The following CUX1 variants were observed in gnomAD, a reference collection of about 807,000 sequenced individuals.
CUX1 encodes protein CASP.
In CUX1, 31 loss-of-function variants were observed where a neutral mutation model predicts 158.8. The ratio of observed to expected loss-of-function variants is 0.20; its 90% confidence interval spans 0.15 to 0.26. CUX1 has a LOEUF of 0.26. Among genes scored for constraint, CUX1 ranks in the 10% least tolerant of loss-of-function variants. CUX1 has a pLI of 1.00. For missense variants in CUX1, 1,589 were observed against 2,014.6 expected (o/e 0.79, Z 4.04); for synonymous variants, 879 against 862.1 (o/e 1.02, Z -0.34).
chr7:101,816,697 C>T (rs1791842103), upstream of CUX1, among the ~76,000 whole-genome samples: 1 of 144,814 alleles, frequency 6.9e-6, no homozygotes, highest in South Asian at 2.1e-4. Flanking sequence ...GCCGGCGCGG[C>T]GGAGCTGGGG....
chr7:102,245,791 G>A (rs1800744618), intron 23 of CUX1, among the ~76,000 whole-genome samples: 1 of 152,020 alleles, frequency 6.6e-6, no homozygotes, highest in Non-Finnish European at 1.5e-5. Flanking sequence ...GGCCAACATG[G>A]TGAAACCCCG....
intron 1 of CUX1, among the ~76,000 whole-genome samples, chr7:101,838,415 C>T (rs1794864343): frequency 6.6e-6 from 1 of 150,796 alleles, no homozygotes; most frequent in Non-Finnish European, 1.5e-5. Flanking sequence ...CAGGCGTGAG[C>T]CACCTCACCT....
chr7:102,168,930 TTTATTTTC>T (rs1554509656), intron 9 of CUX1, among the ~76,000 whole-genome samples: 1,606 of 96,474 alleles, frequency 0.017, 87 homozygotes, highest in African/African-American at 0.063. Flanking sequence ...TTTCTTTTCT[TTTATTTTC>T]TTTTTTTTTT....
At chr7:101,887,451 T>A (rs1403335905) in intron 1 of CUX1, among the ~76,000 whole-genome samples, 1 of 151,992 alleles carries the variant, frequency 6.6e-6, no homozygotes, top group African/African-American at 2.4e-5. Context: ...GGACTACAAG[T>A]GTGAGCCACC....
chr7:102,030,583 A>G (rs969521404), intron 3 of CUX1, among the ~76,000 whole-genome samples: 3 of 151,904 alleles, frequency 2.0e-5, no homozygotes, highest in South Asian at 2.1e-4. Flanking sequence ...AATTTTTCCA[A>G]TTATCCCCAA....
intron 13 of CUX1, 70 bp from the exon 14 acceptor site, chr7:102,195,437 C>G: frequency 1.5e-6 from 2 of 1,308,138 alleles, no homozygotes; most frequent in Non-Finnish European, 2.1e-6. Flanking sequence ...GGCAGGGCTC[C>G]AGGCCTGGTG....
At position 102,017,177 on chromosome 7, in the gene CUX1, G is replaced by A. The variant is rs565254817; in HGVS notation, c.142-10921G>A. ...AAATTAGCCTGACGTGGTAGTGGGC[G>A]CCTATACTCCCAGCTACTCAGGAGA... is the stretch of plus-strand genomic sequence containing the variant. On this transcript the variant is annotated intron_variant, in intron 2 of 23. Coordinates refer to ENST00000292535, the MANE Select transcript of CUX1 (RefSeq NM_181552.4). 3.1e-3 allele frequency among the ~76,000 whole-genome samples: 466 copies of A among 151,962 alleles called. 1 individual carries two copies. The highest frequency in any genetic ancestry group is 0.01 in the South Asian group (50 of 4,810).
intron 2 of CUX1, among the ~76,000 whole-genome samples, chr7:101,983,030 GTCAT>G (rs10578910): frequency 0.54 from 80,919 of 150,926 alleles, 23,609 homozygotes; most frequent in Non-Finnish European, 0.67. Context: ...GAAAGCACTA[GTCAT>G]TCATTCATTC....
At chr7:102,185,406 G>T (rs1283924725) in intron 11 of CUX1, among the ~76,000 whole-genome samples, 3 of 151,988 alleles carry the variant, frequency 2.0e-5, no homozygotes, top group African/African-American at 7.3e-5. Context: ...GGGTAGGTTG[G>T]TTGGTTGGTT....
intron 20 of CUX1, among the ~76,000 whole-genome samples, chr7:102,214,475 A>G (rs1554524014): frequency 6.6e-6 from 1 of 152,244 alleles, no homozygotes; most frequent in Non-Finnish European, 1.5e-5. Flanking sequence ...AATCAGTGAC[A>G]GCATGGAAGC....
chr7:101,823,048 A>C lies in CUX1; in HGVS notation c.30+5379A>C, dbSNP rs79775303. 5.6e-3 allele frequency among the ~76,000 whole-genome samples: 853 copies of C among 152,304 alleles called. 30 individuals carry two copies. The highest frequency in any genetic ancestry group is 0.049 in the Admixed American group (747 of 15,292). On this transcript the variant is annotated intron_variant, in intron 1 of 23. Transcript: ENST00000292535. ...GAGGATGATGTTAGTGCACAAAATA[A>C]AGATTGTCAATTTCTTTATTTTAAT...
Position 102,211,966 on chromosome 7 carries a change from A to C in CUX1, c.3130+6796A>C, listed in dbSNP as rs1796586741. ...CCAAGAGCCACAGGAGGAAGGGCACATGCGCTTCTCAAAAGTTCCTTGATG... is the reference window on the plus strand; with the variant it reads ...CCAAGAGCCACAGGAGGAAGGGCACCTGCGCTTCTCAAAAGTTCCTTGATG... On this transcript the variant is annotated intron_variant, in intron 20 of 23. Coordinates refer to ENST00000292535, the MANE Select transcript of CUX1 (RefSeq NM_181552.4). 3.3e-5 allele frequency among the ~76,000 whole-genome samples: 5 copies of C among 152,072 alleles called. No homozygotes were observed. The South Asian group carries it at 1.0e-3, about 32-fold the overall frequency.
chr7:102,096,361 G>C (rs1829188222), intron 4 of CUX1, among the ~76,000 whole-genome samples: 2 of 151,954 alleles, frequency 1.3e-5, no homozygotes, highest in African/African-American at 2.4e-5. Context: ...GCTTTATAAA[G>C]CCTAAGTGTT....
chr7:101,854,873 T>C (rs1411765438), intron 1 of CUX1, among the ~76,000 whole-genome samples: 1 of 152,216 alleles, frequency 6.6e-6, no homozygotes, highest in Non-Finnish European at 1.5e-5. Flanking sequence ...GCCTCCCAAG[T>C]AGCTGGGACT....
intron 14 of CUX1, among the ~76,000 whole-genome samples, chr7:102,272,239 G>T (rs1229858199): frequency 2.6e-5 from 4 of 152,210 alleles, no homozygotes; most frequent in Admixed American, 1.3e-4. Context: ...GTGAGGCTGG[G>T]CTGCCCCATC....
chr7:102,259,141 C>T (rs1365124460), downstream of CUX1, among the ~76,000 whole-genome samples: 1 of 152,232 alleles, frequency 6.6e-6, no homozygotes, highest in Non-Finnish European at 1.5e-5. Context: ...TCAATCCTCC[C>T]TCCAGTGGGA....
intron 3 of CUX1, among the ~76,000 whole-genome samples, chr7:102,040,694 C>T (rs1334335982): frequency 6.6e-6 from 1 of 152,214 alleles, no homozygotes; most frequent in Non-Finnish European, 1.5e-5. Context: ...CATATTTAAG[C>T]ATTCAGATCT....
At chr7:101,841,953 G>A (rs1316013019) in intron 1 of CUX1, among the ~76,000 whole-genome samples, 1 of 152,124 alleles carries the variant, frequency 6.6e-6, no homozygotes, top group African/African-American at 2.4e-5. Flanking sequence ...TTTTAGCTGT[G>A]TTCCACAAAT....
intron 20 of CUX1, among the ~76,000 whole-genome samples, chr7:102,210,343 C>T (rs879969104): frequency 1.3e-5 from 2 of 152,172 alleles, no homozygotes; most frequent in Admixed American, 1.3e-4. Flanking sequence ...GTGATCCTCC[C>T]ACCTTGGCCT....
Sources: gnomAD v4.1 joint callset for allele counts (sites outside exome capture counted in the v4.1 genomes callset) on GRCh38, gnomAD v4.1.1 for gene constraint, MANE v1.5 for transcripts, NCBI Gene and HGNC (gene_info 2026-07-23, HGNC 2026-07-21) for gene names.